The following VGLL4 variants were observed in gnomAD, a reference collection of about 807,000 sequenced individuals.
VGLL4 encodes the protein vestigial like family member 4.
A neutral mutation model predicts 21.0 loss-of-function variants in VGLL4; 7 were observed. The observed-to-expected ratio is 0.33, with a 90% CI of 0.19 to 0.63. The LOEUF (loss-of-function observed/expected upper bound fraction) is 0.63, where lower values mean the gene tolerates loss of function less well. Ranked by LOEUF, VGLL4 falls within the 20% of genes least tolerant of loss-of-function variation. The pLI, the probability that VGLL4 is intolerant of heterozygous loss-of-function variation, is 0.78. For missense variants in VGLL4, 394 were observed against 425.7 expected (o/e 0.93, Z 0.66); for synonymous variants, 222 against 173.2 (o/e 1.28, Z -2.21).
At chr3:11,575,501 G>T (rs1453935126) in intron 2 of VGLL4, among the ~76,000 whole-genome samples, 1 of 152,152 alleles carries the variant, frequency 6.6e-6, no homozygotes. Flanking sequence ...GGGCAAAGTG[G>T]GTCCCTCCTT....
rs540671622 is a variant in VGLL4 at position 11,703,461 on chromosome 3, T to C, written c.-13-414A>G. On this transcript the variant is annotated intron_variant, in intron 1 of 5. Transcript: ENST00000273038. ...GTGGTGCAGCTTAACACACGCCACGTACTCATGGAAAGCTGTGTGAGAAAC... is the reference window on the plus strand; with the variant it reads ...GTGGTGCAGCTTAACACACGCCACGCACTCATGGAAAGCTGTGTGAGAAAC... Among the ~76,000 whole-genome samples the C allele has an allele frequency of 2.0e-5, 3 of 152,346 alleles. No individual in the cohort carries two copies. In the East Asian group the frequency reaches 5.8e-4, roughly 29 times the overall value.
intron 2 of VGLL4, among the ~76,000 whole-genome samples, chr3:11,676,052 G>A (rs1221277857): frequency 6.6e-6 from 1 of 152,130 alleles, no homozygotes; most frequent in Non-Finnish European, 1.5e-5. Flanking sequence ...AGAGAGCCAA[G>A]GACTATGAGC....
chr3:11,621,143 C>A (rs2075259241), intron 1 of VGLL4, among the ~76,000 whole-genome samples: 1 of 152,244 alleles, frequency 6.6e-6, no homozygotes, highest in Non-Finnish European at 1.5e-5. Flanking sequence ...ATATTCTCCA[C>A]ATTAAGTCTC....
rs143153023 is a variant in VGLL4, at chr3:11,715,990, T to C, written c.-14+4404A>G. 8.5e-4 allele frequency among the ~76,000 whole-genome samples: 129 copies of C among 151,988 alleles called. 2 individuals are homozygous for C. Among genetic ancestry groups the C allele is most frequent in the African/African-American group, 2.5e-3 (104 of 41,452 alleles). On this transcript the variant is annotated intron_variant, in intron 1 of 5. Coordinates refer to the VGLL4 transcript ENST00000273038. ...CACCATACTTACGGGCCACTGTAAA[T>C]AGCAAAATCCCCAATAAAAAGCACA...
At chr3:11,713,346 T>C (rs1250774902) in intron 1 of VGLL4, among the ~76,000 whole-genome samples, 1 of 152,014 alleles carries the variant, frequency 6.6e-6, no homozygotes, top group African/African-American at 2.4e-5. Context: ...ATTCCAGCTT[T>C]CCTCACAGAG....
Position 11,558,258 on chromosome 3 carries a change from C to A in VGLL4, c.*298G>T. On this transcript the variant is annotated 3_prime_UTR_variant, in exon 5 of 5. Transcript: ENST00000430365. ...AGAAAGCGCTGTGGAGTCCTGGCCC[C>A]GTCGGGGCAGCAGACCTGCATCAGA... 2.1e-6 allele frequency: 1 copy of A among 485,484 alleles called. No homozygotes were observed. The highest frequency in any genetic ancestry group is 3.4e-5 in the East Asian group (1 of 29,082). 30.1% of individuals were successfully genotyped at this position (485,484 alleles called of 1,614,324 possible).
intron 2 of VGLL4, among the ~76,000 whole-genome samples, chr3:11,578,640 ACTATTGAG>A (rs1256159899): frequency 3.3e-5 from 5 of 151,474 alleles, no homozygotes; most frequent in Non-Finnish European, 5.9e-5. Flanking sequence ...AAACCCCAAA[ACTATTGAG>A]CTAAATTATT....
chr3:11,620,294 C>G (rs3856800), intron 1 of VGLL4, among the ~76,000 whole-genome samples: 12,610 of 152,150 alleles, frequency 0.083, 952 homozygotes, highest in African/African-American at 0.19. Context: ...ACTCCTATAC[C>G]ACTCGGAGAG....
intron 2 of VGLL4, among the ~76,000 whole-genome samples, chr3:11,575,198 A>C (rs2074001582): frequency 6.6e-6 from 1 of 152,164 alleles, no homozygotes; most frequent in African/African-American, 2.4e-5. Flanking sequence ...GGAGGGTTTC[A>C]AAAGCAGCTC....
At position 11,719,194 on chromosome 3, in the gene VGLL4, G is replaced by T. The variant is rs1482689747; in HGVS notation, c.-14+1200C>A. On this transcript the variant is annotated intron_variant, in intron 1 of 5. Transcript: ENST00000273038. This position sits in a 1 kb window ranked among gnomAD's most constrained non-coding sequence, Gnocchi z 4.0. ...GGGGACCGCGGGGTGCCAGGCGCGG[G>T]CCTCCTCGCCCGCCCCGAGCCTCCG... Among the ~76,000 whole-genome samples the T allele has an allele frequency of 1.3e-5, 2 of 151,910 alleles. No homozygotes were observed. The highest frequency in any genetic ancestry group is 2.9e-5 in the Non-Finnish European group (2 of 67,940).
At chr3:11,586,822 G>C (rs1219728036) in intron 2 of VGLL4, among the ~76,000 whole-genome samples, 3 of 152,180 alleles carry the variant, frequency 2.0e-5, no homozygotes, top group Non-Finnish European at 4.4e-5. Context: ...AGTTGGCACA[G>C]GGATACCAGG....
chr3:11,669,096 T>C (rs537737819), intron 2 of VGLL4, among the ~76,000 whole-genome samples: 40 of 152,378 alleles, frequency 2.6e-4, no homozygotes, highest in Middle Eastern at 3.4e-3. Context: ...GGCAGAACCA[T>C]AGATCCTTCA....
At chr3:11,573,608 G>A (rs2073942994) in intron 2 of VGLL4, among the ~76,000 whole-genome samples, 1 of 152,150 alleles carries the variant, frequency 6.6e-6, no homozygotes, top group South Asian at 2.1e-4. Flanking sequence ...GTGACATCTG[G>A]CCTTGGCAGC....
intron 1 of VGLL4, among the ~76,000 whole-genome samples, chr3:11,707,493 A>G (rs991237284): frequency 6.6e-6 from 1 of 151,884 alleles, no homozygotes. Context: ...ACGGGGACCA[A>G]GCATTATCTA....
chr3:11,653,834 A>G lies in VGLL4; in HGVS notation c.64+49137T>C, dbSNP rs979487278. Among the ~76,000 whole-genome samples, 2 of 152,134 alleles carry G rather than the reference A, an allele frequency of 1.3e-5. No individual in the cohort carries two copies. The highest frequency in any genetic ancestry group is 1.3e-4 in the Admixed American group (2 of 15,268). On this transcript the variant is annotated intron_variant, in intron 2 of 5. Transcript: ENST00000273038. This position sits in a 1 kb window ranked among gnomAD's most constrained non-coding sequence, Gnocchi z 4.2. Reference sequence around the variant, plus strand: ...CTGGTAGGTCTGGAGCAGCCACACTACGACTTTACTTCGCACTTCTCTGAT... The same window carrying G: ...CTGGTAGGTCTGGAGCAGCCACACTGCGACTTTACTTCGCACTTCTCTGAT...
chr3:11,699,097 C>A (rs1346278417), intron 2 of VGLL4, among the ~76,000 whole-genome samples: 1 of 152,120 alleles, frequency 6.6e-6, no homozygotes, highest in Non-Finnish European at 1.5e-5. Flanking sequence ...CCCCTAAAGT[C>A]TGAGAGCAAT....
chr3:11,590,438 G>T (rs1485883851), intron 2 of VGLL4, among the ~76,000 whole-genome samples: 1 of 152,146 alleles, frequency 6.6e-6, no homozygotes, highest in African/African-American at 2.4e-5. Context: ...CAAGAAGAAA[G>T]GCAAGAGGTA....
chr3:11,636,759 G>A (rs763638852), intron 1 of VGLL4, among the ~76,000 whole-genome samples: 1 of 152,150 alleles, frequency 6.6e-6, no homozygotes, highest in Non-Finnish European at 1.5e-5. Flanking sequence ...AAGGATGGTG[G>A]GAGGGCTTCA....
chr3:11,589,401 G>A (rs1431497881), intron 2 of VGLL4, among the ~76,000 whole-genome samples: 1 of 152,092 alleles, frequency 6.6e-6, no homozygotes, highest in African/African-American at 2.4e-5. Flanking sequence ...ATTAAAGATG[G>A]CACCCAGCAG....
Sources: allele counts gnomAD v4.1 joint callset (sites outside exome capture counted in the v4.1 genomes callset), GRCh38; gene constraint gnomAD v4.1.1; non-coding constraint Gnocchi (gnomAD v3.1); transcripts MANE v1.5; gene names NCBI Gene and HGNC (gene_info 2026-07-23, HGNC 2026-07-21).